Variants in RIF1 observed in about 807,000 individuals in gnomAD.
RIF1 encodes the protein replication timing regulatory factor 1, also known as telomere-associated protein RIF1.
RIF1 carries 45 observed loss-of-function variants against 247.1 expected under a neutral mutation model. The ratio of observed to expected loss-of-function variants is 0.18; its 90% CI spans 0.14 to 0.23. RIF1 has a LOEUF of 0.23. Among genes scored for constraint, RIF1 ranks in the 10% least tolerant of loss-of-function variants. The probability of loss-of-function intolerance (pLI) is 1.00; values close to 1 mark genes in which losing one functional copy is unlikely to be tolerated. For synonymous variants in RIF1, 1,087 were observed against 978.8 expected (o/e 1.11, Z -2.06); for missense variants, 2,967 against 2,862.5 (o/e 1.04, Z -0.83).
downstream of RIF1, among the ~76,000 whole-genome samples, chr2:151,509,620 TTTTG>T (rs946974193): frequency 1.3e-5 from 2 of 152,126 alleles, no homozygotes; most frequent in African/African-American, 2.4e-5. Flanking sequence ...GAGGTTTTTT[TTTTG>T]TTTGTTTGGT....
chr2:151,462,581 A>AT (rs1696354176), intron 29 of RIF1, 115 bp downstream of exon 29: 1 of 693,264 alleles, frequency 1.4e-6, no homozygotes, highest in Admixed American at 2.8e-5. Flanking sequence ...AATTTATTGT[A>AT]GATTTATTGT....
intron 30 of RIF1, among the ~76,000 whole-genome samples, chr2:151,466,722 A>T (rs752281145): frequency 2.6e-5 from 4 of 152,222 alleles, no homozygotes; most frequent in Non-Finnish European, 5.9e-5. Context: ...TGAATGAATG[A>T]ATAAAAAAAT....
chr2:151,531,291 ACT>A, the RIF1 span, among the ~76,000 whole-genome samples: 1 of 144,836 alleles, frequency 6.9e-6, no homozygotes, highest in Non-Finnish European at 1.5e-5. Flanking sequence ...GGTCACAACA[ACT>A]CTCTTTTTTT....
intron 30 of RIF1, 129 bp downstream of exon 30, chr2:151,466,249 G>A: frequency 1.6e-6 from 1 of 618,658 alleles, no homozygotes; most frequent in African/African-American, 1.8e-5. Flanking sequence ...TTACCATAAT[G>A]GTTGCTAGGG....
the RIF1 span, chr2:151,514,453 A>G: frequency 3.3e-6 from 5 of 1,526,532 alleles, no homozygotes; most frequent in East Asian, 2.3e-5. Context: ...AAAAGCAACA[A>G]CATTGACAAG....
At chr2:151,510,631 G>A (rs1402988450), downstream of RIF1, among the ~76,000 whole-genome samples, 1 of 152,174 alleles carries the variant, frequency 6.6e-6, no homozygotes, top group African/African-American at 2.4e-5. Context: ...TTTTATTACA[G>A]TATATTGTTA....
chr2:151,507,047 T>G, intron 13 of RIF1: 1 of 1,265,386 alleles, frequency 7.9e-7, no homozygotes, highest in South Asian at 1.2e-5. Context: ...TGTTAAGATT[T>G]CAACATTGCT....
chr2:151,506,376 G>A, intron 13 of RIF1: 1 of 746,810 alleles, frequency 1.3e-6, no homozygotes, highest in Non-Finnish European at 2.3e-6. Flanking sequence ...ATGTTCCCAG[G>A]CAAGTGCCAG....
intron 20 of RIF1, among the ~76,000 whole-genome samples, chr2:151,449,011 A>G (rs1304304343): frequency 6.6e-6 from 1 of 152,220 alleles, no homozygotes; most frequent in Non-Finnish European, 1.5e-5. Context: ...TTAATTCGGA[A>G]AAGAATTTAC....
intron 30 of RIF1, 37 bp from the exon 31 acceptor site, chr2:151,467,963 T>A (rs370383335): frequency 5.1e-6 from 8 of 1,554,720 alleles, no homozygotes; most frequent in Non-Finnish European, 6.9e-6. Flanking sequence ...TTAAAAACTT[T>A]AATTTTGTTA....
the RIF1 span, among the ~76,000 whole-genome samples, chr2:151,519,307 AGTTCT>A: frequency 6.6e-6 from 1 of 152,242 alleles, no homozygotes; most frequent in Non-Finnish European, 1.5e-5. Flanking sequence ...AAAGGAATGA[AGTTCT>A]GATATATCCT....
Position 151,463,460 on chromosome 2 carries a change from A to T in RIF1, c.3940A>T (p.Thr1314Ser). 1 of 1,614,058 alleles carries T rather than the reference A, an allele frequency of 6.2e-7. No homozygotes were observed. The highest frequency in any genetic ancestry group is 8.5e-7 in the Non-Finnish European group (1 of 1,179,960). ...PLMRSEPEKNTEESVEGIVVL... is the reference protein window; with the variant it reads ...PLMRSEPEKNSEESVEGIVVL... ...AATGAGATCTGAGCCGGAGAAAAAT[A>T]CTGAGGAATCTGTTGAAGGCATTGT... The change falls in exon 30 of 36, where the codon ACT becomes TCT. Residue 1314 changes from threonine to serine, a missense_variant. Transcript: ENST00000444746.
At chr2:151,493,766 C>T (rs1420667730) in intron 9 of RIF1, 2 of 1,532,368 alleles carry the variant, frequency 1.3e-6, no homozygotes, top group African/African-American at 1.4e-5. Flanking sequence ...TTTTTCCTTT[C>T]TAAAATACCG....
intron 9 of RIF1, chr2:151,494,087 CAG>C: frequency 7.9e-7 from 1 of 1,266,596 alleles, no homozygotes; most frequent in Non-Finnish European, 1.1e-6. Flanking sequence ...TAACCTGGGA[CAG>C]GGTTAGGAGC....
intron 12 of RIF1, chr2:151,503,435 A>G: frequency 6.2e-7 from 1 of 1,604,164 alleles, no homozygotes; most frequent in South Asian, 1.1e-5. Context: ...TTTTCTTTGT[A>G]CATAACCTGT....
At chr2:151,415,645 G>A (rs1182845374) in intron 4 of RIF1, among the ~76,000 whole-genome samples, 3 of 151,182 alleles carry the variant, frequency 2.0e-5, no homozygotes, top group South Asian at 2.1e-4. Flanking sequence ...AGGCCGAGGC[G>A]GGTGGATCAC....
intron 11 of RIF1, 49 bp downstream of exon 11, chr2:151,435,629 G>A: frequency 1.0e-6 from 1 of 988,684 alleles, no homozygotes; most frequent in Non-Finnish European, 1.6e-6. Context: ...AGGCTTTGTT[G>A]ACCTAGAAGC....
chr2:151,442,605 A>G (rs937198600), intron 16 of RIF1, among the ~76,000 whole-genome samples: 1 of 152,110 alleles, frequency 6.6e-6, no homozygotes, highest in African/African-American at 2.4e-5. Flanking sequence ...GGTTACTGCC[A>G]TAAATATTGG....
At position 151,477,006 on chromosome 2, in the gene RIF1, T is replaced by G. The variant is rs1358413796; in HGVS notation, c.*1935T>G. 2.0e-5 allele frequency: 3 copies of G among 152,200 alleles called. No individual in the cohort carries two copies. The highest frequency in any genetic ancestry group is 4.4e-5 in the Non-Finnish European group (3 of 68,040). 9.4% of individuals were successfully genotyped at this position (152,200 alleles called of 1,614,324 possible). A position where few individuals can be genotyped will look rare whatever the true frequency, so the allele number is the denominator to read the frequency against. On this transcript the variant is annotated 3_prime_UTR_variant, in exon 36 of 36. Coordinates refer to ENST00000444746, the MANE Select transcript of RIF1 (RefSeq NM_018151.5). ...AGTAATAGCAGAAAATGTGACCAAA[T>G]GAGTATCATGTACTTAAATCACTGA...
Sources: allele counts gnomAD v4.1 joint callset (sites outside exome capture counted in the v4.1 genomes callset), GRCh38; gene constraint gnomAD v4.1.1; transcripts MANE v1.5; gene names NCBI Gene and HGNC (gene_info 2026-07-23, HGNC 2026-07-21).